The following SFMBT1 variants were observed in gnomAD, a reference collection of about 807,000 sequenced individuals.
SFMBT1 encodes the protein scm-like with four MBT domains protein 1.
Under a neutral mutation model 108.7 loss-of-function variants are expected in SFMBT1, and 32 were observed. The observed-to-expected ratio is 0.29, with a 90% confidence interval of 0.22 to 0.40. The LOEUF is 0.40. Ranked by LOEUF, SFMBT1 falls within the 10% of genes least tolerant of loss-of-function variation. The pLI is 1.00. For synonymous variants in SFMBT1, 348 were observed against 369.5 expected (o/e 0.94, Z 0.67); for missense variants, 816 against 1,059.6 (o/e 0.77, Z 3.19).
chr3:53,023,122 AC>A (rs1297323340), intron 1 of SFMBT1, among the ~76,000 whole-genome samples: 1 of 152,216 alleles, frequency 6.6e-6, no homozygotes, highest in Non-Finnish European at 1.5e-5. Flanking sequence ...AAGAGGAGCA[AC>A]CCGACCTTTA....
intron 4 of SFMBT1, among the ~76,000 whole-genome samples, chr3:52,937,656 C>G (rs980405704): frequency 6.6e-6 from 1 of 151,478 alleles, no homozygotes; most frequent in Non-Finnish European, 1.5e-5. Flanking sequence ...GATCTCAGCT[C>G]ACGGCAACCT....
At chr3:52,997,305 A>AG (rs1371935247) in intron 1 of SFMBT1, among the ~76,000 whole-genome samples, 1 of 149,772 alleles carries the variant, frequency 6.7e-6, no homozygotes, top group East Asian at 2.0e-4. Flanking sequence ...TGGGAGGCCG[A>AG]GGGGGGCGGA....
rs141929218 is a variant in SFMBT1, at chr3:52,993,882, C to G, written c.-130-24624G>C. On this transcript the variant is annotated intron_variant, in intron 1 of 20. Transcript: ENST00000394752. ...GAGACAGAAGCATCGTAAGTCAAAG[C>G]TAAAAAAAAGCAACCAATTATTATA... Among the ~76,000 whole-genome samples the G allele has an allele frequency of 2.6e-4, 39 of 149,852 alleles. 1 individual carries two copies. In the East Asian group the frequency reaches 7.4e-3, roughly 28 times the overall value.
chr3:53,043,150 C>A (rs1247687403), intron 1 of SFMBT1: 1 of 152,172 alleles, frequency 6.6e-6, no homozygotes, highest in Non-Finnish European at 1.5e-5. Context: ...TCTAACCCAT[C>A]TCCTTTACAG....
rs915794100 is a variant in SFMBT1, at chr3:52,996,791, C to T, written c.-130-27533G>A. Reference sequence around the variant, plus strand: ...ATTTCTTAAAAAGCTAAACACAGGCCGGGCACGGTGGCTCACGCCTGTAAT... The same window carrying T: ...ATTTCTTAAAAAGCTAAACACAGGCTGGGCACGGTGGCTCACGCCTGTAAT... On this transcript the variant is annotated intron_variant, in intron 1 of 20. Transcript: ENST00000394752. Among the ~76,000 whole-genome samples, 5 of 150,318 alleles carry T rather than the reference C, an allele frequency of 3.3e-5. 2 individuals are homozygous for T. The highest frequency in any genetic ancestry group is 7.4e-5 in the Non-Finnish European group (5 of 67,124).
Position 52,916,699 on chromosome 3 carries a change from C to CA in SFMBT1, c.1416-486dup, listed in dbSNP as rs773987848. Among the ~76,000 whole-genome samples, 368 of 146,664 alleles carry CA rather than the reference C, an allele frequency of 2.5e-3. 4 individuals carry two copies. The East Asian group carries it at 0.027, about 11-fold the overall frequency. ...AACCAAACAACAACAACAACAACAA[C>CA]AACAACAAAAAACTACAACAACAAA... is the stretch of plus-strand genomic sequence containing the variant. On this transcript the variant is annotated intron_variant, in intron 13 of 20. Coordinates refer to ENST00000394752, the MANE Select transcript of SFMBT1 (RefSeq NM_016329.4).
intron 2 of SFMBT1, among the ~76,000 whole-genome samples, chr3:52,954,778 T>C (rs2106834422): frequency 6.6e-6 from 1 of 152,256 alleles, no homozygotes; most frequent in South Asian, 2.1e-4. Context: ...TTAATAAGCA[T>C]TTCAAACTTA....
At chr3:53,022,261 G>A (rs1371989844) in intron 1 of SFMBT1, among the ~76,000 whole-genome samples, 3 of 151,952 alleles carry the variant, frequency 2.0e-5, no homozygotes, top group Admixed American at 6.6e-5. Flanking sequence ...ACCAAACTGG[G>A]CAACATGGTG....
Position 53,045,816 on chromosome 3 carries a change from C to G in SFMBT1, c.-131G>C, listed in dbSNP as rs1279685181. 1 of 150,214 alleles carries G rather than the reference C, an allele frequency of 6.7e-6. No individual in the cohort carries two copies. The highest frequency in any genetic ancestry group is 6.6e-5 in the Admixed American group (1 of 15,138). The allele number at this position is 150,214 out of a possible 1,614,324, so 9.3% of individuals were successfully genotyped here. On this transcript the variant is annotated splice_region_variant and 5_prime_UTR_variant, in exon 1 of 21. Coordinates refer to ENST00000394752, the MANE Select transcript of SFMBT1 (RefSeq NM_016329.4). ...CCAGCCGGTGGCCCCGCTTTTTTAC[C>G]TGCCCGGAGTTTTCGCGCGCGCGCT...
At chr3:52,950,720 C>G (rs1178800141) in intron 3 of SFMBT1, among the ~76,000 whole-genome samples, 1 of 152,154 alleles carries the variant, frequency 6.6e-6, no homozygotes, top group African/African-American at 2.4e-5. Context: ...GTGATCCACC[C>G]GCCATGGCCT....
intron 1 of SFMBT1, among the ~76,000 whole-genome samples, chr3:53,008,148 G>T (rs1306286793): frequency 6.6e-6 from 1 of 152,116 alleles, no homozygotes; most frequent in Non-Finnish European, 1.5e-5. Context: ...TGGGGAATGG[G>T]GGGGTGTGAG....
Position 52,956,903 on chromosome 3 carries a change from G to A in SFMBT1, c.29-2492C>T, listed in dbSNP as rs574328550. Among the ~76,000 whole-genome samples, 6 of 152,256 alleles carry A rather than the reference G, an allele frequency of 3.9e-5. No individual in the cohort carries two copies. In the South Asian group the frequency reaches 6.2e-4, roughly 16 times the overall value. Reference sequence around the variant, plus strand: ...GGCAAAAGCTGGAGGCATTCCCCTTGAAAACTAGCACAAGACAAGGATGCC... The same window carrying A: ...GGCAAAAGCTGGAGGCATTCCCCTTAAAAACTAGCACAAGACAAGGATGCC... On this transcript the variant is annotated intron_variant, in intron 2 of 20. Coordinates refer to ENST00000394752, the MANE Select transcript of SFMBT1 (RefSeq NM_016329.4).
intron 1 of SFMBT1, among the ~76,000 whole-genome samples, chr3:53,030,706 A>AAAAAAC: frequency 6.7e-6 from 1 of 148,838 alleles, no homozygotes; most frequent in African/African-American, 2.6e-5. Context: ...AAAAAAAAAA[A>AAAAAAC]TCTACTTGCT....
chr3:52,949,919 C>CT (rs1248778785), intron 3 of SFMBT1, among the ~76,000 whole-genome samples: 2 of 151,850 alleles, frequency 1.3e-5, no homozygotes, highest in East Asian at 1.9e-4. Flanking sequence ...ACAGCTAGGT[C>CT]TTTTTTTTGT....
intron 1 of SFMBT1, among the ~76,000 whole-genome samples, chr3:52,981,575 C>T (rs531508008): frequency 8.8e-5 from 13 of 147,042 alleles, no homozygotes; most frequent in African/African-American, 3.3e-4. Flanking sequence ...GACGAGGTCT[C>T]ACTACATTGA....
chr3:53,030,683 CAA>C (rs10668462), intron 1 of SFMBT1, among the ~76,000 whole-genome samples: 951 of 82,702 alleles, frequency 0.011, 14 homozygotes, highest in African/African-American at 0.035. Flanking sequence ...GGCCATAATG[CAA>C]AAAAAAAAAA....
At chr3:53,009,591 C>T (rs1230012124) in intron 1 of SFMBT1, among the ~76,000 whole-genome samples, 3 of 152,300 alleles carry the variant, frequency 2.0e-5, no homozygotes, top group African/African-American at 4.8e-5. Context: ...ACATGAATCA[C>T]TTATTCATTC....
At chr3:53,026,134 C>T (rs1329903858) in intron 1 of SFMBT1, among the ~76,000 whole-genome samples, 1 of 152,004 alleles carries the variant, frequency 6.6e-6, no homozygotes, top group East Asian at 1.9e-4. Context: ...ATATTAACAC[C>T]ATAAACATCA....
intron 1 of SFMBT1, among the ~76,000 whole-genome samples, chr3:53,004,859 C>G (rs2106918631): frequency 6.6e-6 from 1 of 152,218 alleles, no homozygotes; most frequent in South Asian, 2.1e-4. Flanking sequence ...GAAGGGAACA[C>G]AACTGTCTCA....
Sources: allele counts gnomAD v4.1 joint callset (sites outside exome capture counted in the v4.1 genomes callset), GRCh38; gene constraint gnomAD v4.1.1; transcripts MANE v1.5; gene names NCBI Gene and HGNC (gene_info 2026-07-23, HGNC 2026-07-21).